Variants in AGXT2 observed in about 807,000 individuals in gnomAD.
AGXT2 encodes alanine--glyoxylate aminotransferase 2, mitochondrial.
Under a neutral mutation model 62.5 loss-of-function variants are expected in AGXT2, and 61 were observed. The ratio of observed to expected loss-of-function variants is 0.98; its 90% CI spans 0.79 to 1.21. The LOEUF (loss-of-function observed/expected upper bound fraction) is 1.21. Among genes scored for constraint, AGXT2 ranks in the 50% most tolerant of loss-of-function variants. The pLI is 0.00. For synonymous variants in AGXT2, 243 were observed against 218.7 expected (o/e 1.11, Z -0.98); for missense variants, 666 against 641.5 (o/e 1.04, Z -0.41).
chr5:35,040,080 AGAGG>A (rs1767929061), intron 2 of AGXT2, among the ~76,000 whole-genome samples: 2 of 152,214 alleles, frequency 1.3e-5, no homozygotes, highest in African/African-American at 4.8e-5. Flanking sequence ...AGAGAGAGAG[AGAGG>A]GAGAAAGAAA....
intron 5 of AGXT2, among the ~76,000 whole-genome samples, chr5:35,034,087 G>A (rs541302913): frequency 6.6e-5 from 10 of 152,006 alleles, no homozygotes; most frequent in African/African-American, 1.4e-4. Flanking sequence ...AAATGAGTTC[G>A]AACAATTTCC....
At chr5:35,023,634 T>C (rs955879271) in intron 9 of AGXT2, among the ~76,000 whole-genome samples, 1 of 152,176 alleles carries the variant, frequency 6.6e-6, no homozygotes, top group Admixed American at 6.6e-5. Flanking sequence ...GCTGACTGGA[T>C]ATACTCATTT....
chr5:35,033,359 G>A (rs948873029), intron 6 of AGXT2, 101 bp downstream of exon 6: 28 of 944,468 alleles, frequency 3.0e-5, no homozygotes, highest in African/African-American at 2.7e-4. Flanking sequence ...TTAATGACAG[G>A]CTTTATATTA....
At chr5:35,041,661 G>C (rs1247328158) in intron 1 of AGXT2, among the ~76,000 whole-genome samples, 2 of 152,158 alleles carry the variant, frequency 1.3e-5, no homozygotes, top group East Asian at 3.9e-4. Context: ...TTTATAGGTG[G>C]AGAGAGCTAA....
At chr5:35,026,855 T>C (rs1488138183) in intron 7 of AGXT2, 1 of 985,158 alleles carries the variant, frequency 1.0e-6, no homozygotes, top group Non-Finnish European at 1.2e-6. Context: ...CTCAAACAGG[T>C]GGATCTAATT....
At chr5:35,002,439 C>A (rs138556804) in intron 13 of AGXT2, among the ~76,000 whole-genome samples, 4 of 152,288 alleles carry the variant, frequency 2.6e-5, no homozygotes, top group South Asian at 4.1e-4. Flanking sequence ...ATTTCTGGAA[C>A]CTTCAGGGAA....
intron 9 of AGXT2, among the ~76,000 whole-genome samples, chr5:35,018,338 C>A (rs1766931099): frequency 6.6e-6 from 1 of 152,030 alleles, no homozygotes; most frequent in African/African-American, 2.4e-5. Context: ...GTCAGGTTAC[C>A]CTCAAAGGGA....
rs202180854 is a variant in AGXT2, at chr5:35,014,083, A to G, written c.1000T>C (p.Trp334Arg). The stretch of plus-strand genomic sequence containing the variant: ...AGGACATCGTGGGTTTGGAAGCCCC[A>G]GAAGTGAGAGCCCAACCTTCCAAAT... The part of the protein sequence containing the change: ...TGFGRLGSHF[W>R]GFQTHDVLPD... The change falls in exon 10 of 14, where the codon TGG (tryptophan) becomes CGG (arginine). Residue 334 changes from tryptophan to arginine, a missense_variant. Coordinates refer to ENST00000231420, the MANE Select transcript of AGXT2 (RefSeq NM_031900.4). 22 of 1,614,184 alleles carry G rather than the reference A, an allele frequency of 1.4e-5. No individual in the cohort carries two copies. Among genetic ancestry groups the G allele is most frequent in the Non-Finnish European group, 1.9e-5 (22 of 1,180,026 alleles).
Position 35,039,358 on chromosome 5 carries a change from C to A in AGXT2, c.328G>T (p.Gly110Trp), listed in dbSNP as rs542873930. 3 of 1,614,090 alleles carry A rather than the reference C, an allele frequency of 1.9e-6. No homozygotes were observed. Among genetic ancestry groups the A allele is most frequent in the Non-Finnish European group, 1.7e-6 (2 of 1,179,952 alleles). The stretch of plus-strand genomic sequence containing the variant: ...TGGCCAACACTGACAGTAACAATCC[C>A]GGAAAAGAAATCCAGGTATCTGCTT... Reference protein sequence around the residue: ...EGSRYLDFFSGIVTVSVGHCH... With the variant: ...EGSRYLDFFSWIVTVSVGHCH... Residue 110 changes from glycine to tryptophan, a missense_variant, in exon 3 of 14, where the codon GGG (glycine) becomes TGG (tryptophan). By Grantham distance (184) the Gly-to-Trp change is radical (BLOSUM62 -2). Coordinates refer to ENST00000231420, the MANE Select transcript of AGXT2 (RefSeq NM_031900.4).
chr5:35,035,429 C>T, intron 4 of AGXT2, 113 bp from the exon 5 acceptor site: 1 of 850,528 alleles, frequency 1.2e-6, no homozygotes, highest in South Asian at 1.4e-5. Flanking sequence ...GAGTTCCCTT[C>T]AGACCAGCTC....
chr5:35,029,447 A>G (rs1171532443), intron 7 of AGXT2, among the ~76,000 whole-genome samples: 1 of 152,202 alleles, frequency 6.6e-6, no homozygotes, highest in Middle Eastern at 3.2e-3. Flanking sequence ...GCGATGAGAG[A>G]GTCATTGACT....
chr5:35,040,092 A>G (rs1767930262), intron 2 of AGXT2, among the ~76,000 whole-genome samples: 1 of 152,180 alleles, frequency 6.6e-6, no homozygotes, highest in Non-Finnish European at 1.5e-5. Flanking sequence ...AGGGAGAAAG[A>G]AAGAGAGAGA....
At chr5:35,045,854 G>A (rs1326106879) in intron 1 of AGXT2, among the ~76,000 whole-genome samples, 18 of 138,966 alleles carry the variant, frequency 1.3e-4, no homozygotes, top group African/African-American at 4.4e-4. Context: ...TGCAAGCTCC[G>A]ACTCCCGGGT....
chr5:35,037,051 A>G lies in AGXT2; in HGVS notation c.377T>C (p.Val126Ala). 6.2e-7 allele frequency: 1 copy of G among 1,614,114 alleles called. No individual in the cohort carries two copies. Among genetic ancestry groups the G allele is most frequent in the African/African-American group, 1.3e-5 (1 of 75,070 alleles). ...VGHCHPKVNAVAQKQLGRLWH... is the reference protein window; with the variant it reads ...VGHCHPKVNAAAQKQLGRLWH... ...CAGGCGGCCGAGCTGCTTTTGTGCC[A>G]CTGCATTCACCTTTCTGGATAAGCA... The change falls in exon 4 of 14, where the codon GTG becomes GCG. Residue 126 changes from valine to alanine, a missense_variant. Coordinates refer to ENST00000231420, the MANE Select transcript of AGXT2 (RefSeq NM_031900.4).
At chr5:35,032,890 T>A in intron 6 of AGXT2, 65 bp from the exon 7 acceptor site, 1 of 1,316,186 alleles carries the variant, frequency 7.6e-7, no homozygotes, top group Non-Finnish European at 1.1e-6. Flanking sequence ...TAGGGTAGCA[T>A]ATGGCTGCCA....
At chr5:35,015,845 A>AT (rs1766830873) in intron 9 of AGXT2, among the ~76,000 whole-genome samples, 1 of 87,530 alleles carries the variant, frequency 1.1e-5, no homozygotes, top group Admixed American at 1.5e-4. Flanking sequence ...GTGAGACTCC[A>AT]TCTCAAAAAA....
chr5:35,022,356 A>T (rs1424249472), intron 9 of AGXT2, among the ~76,000 whole-genome samples: 47 of 152,064 alleles, frequency 3.1e-4, no homozygotes, highest in African/African-American at 1.1e-3. Flanking sequence ...GGATTAAGAA[A>T]ATGTGGCACA....
intron 2 of AGXT2, among the ~76,000 whole-genome samples, chr5:35,040,284 G>A (rs765041828): frequency 3.3e-5 from 5 of 152,326 alleles, no homozygotes; most frequent in South Asian, 2.1e-4. Context: ...TTTGTGATGT[G>A]TGTATATCTC....
At chr5:35,025,707 T>C (rs1767309140) in intron 9 of AGXT2, 56 bp downstream of exon 9, 1 of 1,556,844 alleles carries the variant, frequency 6.4e-7, no homozygotes, top group Non-Finnish European at 8.9e-7. Context: ...AGGAGGTTTC[T>C]GTCTGTGCAT....
Sources: allele counts gnomAD v4.1 joint callset (sites outside exome capture counted in the v4.1 genomes callset), GRCh38; gene constraint gnomAD v4.1.1; transcripts MANE v1.5; gene names NCBI Gene and HGNC (gene_info 2026-07-23, HGNC 2026-07-21).